Variants in NAALADL2 observed in about 807,000 individuals in gnomAD.
NAALADL2 encodes the protein N-acetylated alpha-linked acidic dipeptidase like 2, also known as inactive N-acetylated-alpha-linked acidic dipeptidase-like protein 2.
A neutral mutation model predicts 87.2 loss-of-function variants in NAALADL2; 76 were observed. The ratio of observed to expected loss-of-function variants is 0.87; its 90% CI spans 0.72 to 1.05. NAALADL2 has a LOEUF of 1.05. Among genes scored for constraint, NAALADL2 ranks in the 50% least tolerant of loss-of-function variants. NAALADL2 has a pLI of 0.00. For synonymous variants in NAALADL2, 354 were observed against 331.0 expected (o/e 1.07, Z -0.75); for missense variants, 1,089 against 945.8 (o/e 1.15, Z -1.99).
intron 9 of NAALADL2, among the ~76,000 whole-genome samples, chr3:175,559,531 A>G (rs1447908026): frequency 6.6e-6 from 1 of 152,184 alleles, no homozygotes; most frequent in Non-Finnish European, 1.5e-5. Context: ...TCTCACAGGA[A>G]AGGCTTTATG....
chr3:174,441,316 G>A (rs1714596111), intron 1 of NAALADL2, among the ~76,000 whole-genome samples: 1 of 152,164 alleles, frequency 6.6e-6, no homozygotes, highest in Non-Finnish European at 1.5e-5. Context: ...GGCCAAAGGA[G>A]CTCCCAACCC....
At chr3:175,400,731 T>C (rs1770453704) in intron 5 of NAALADL2, among the ~76,000 whole-genome samples, 1 of 152,144 alleles carries the variant, frequency 6.6e-6, no homozygotes, top group South Asian at 2.1e-4. Flanking sequence ...ATCAACCTTA[T>C]GGTCTGGGTC....
chr3:174,795,548 A>G (rs1717983622), intron 3 of NAALADL2, among the ~76,000 whole-genome samples: 3 of 152,108 alleles, frequency 2.0e-5, no homozygotes, highest in Admixed American at 1.3e-4. Flanking sequence ...TTTCTTAAGT[A>G]TATATTTAGG....
chr3:174,653,078 T>C (rs1399182694), intron 2 of NAALADL2, among the ~76,000 whole-genome samples: 1 of 152,188 alleles, frequency 6.6e-6, no homozygotes, highest in Non-Finnish European at 1.5e-5. Context: ...GTGGACCAAC[T>C]AGAACTCTCA....
intron 2 of NAALADL2, among the ~76,000 whole-genome samples, chr3:174,717,956 A>G (rs577482773): frequency 1.3e-5 from 2 of 152,024 alleles, no homozygotes; most frequent in East Asian, 1.9e-4. Context: ...TGAAACCCCC[A>G]CCTCTCCTAA....
chr3:175,173,725 G>T (rs1327332578), intron 2 of NAALADL2, among the ~76,000 whole-genome samples: 1 of 152,064 alleles, frequency 6.6e-6, no homozygotes, highest in South Asian at 2.1e-4. Flanking sequence ...TTTATTAATT[G>T]CATTCAAACT....
chr3:175,407,315 C>G (rs1712595376), intron 5 of NAALADL2, among the ~76,000 whole-genome samples: 1 of 152,116 alleles, frequency 6.6e-6, no homozygotes, highest in Non-Finnish European at 1.5e-5. Flanking sequence ...GTGGTTGATG[C>G]CCAGTTGACA....
intron 1 of NAALADL2, among the ~76,000 whole-genome samples, chr3:174,939,974 C>T (rs116840278): frequency 0.011 from 1,728 of 152,174 alleles, 40 homozygotes; most frequent in African/African-American, 0.04. Flanking sequence ...GACTTCTTCT[C>T]TTCCTACTTA....
chr3:175,428,036 G>A (rs187954558), intron 5 of NAALADL2, among the ~76,000 whole-genome samples: 26 of 152,052 alleles, frequency 1.7e-4, no homozygotes, highest in African/African-American at 5.5e-4. Context: ...GAACATAAAT[G>A]GCACTAATCT....
At chr3:175,611,196 T>C (rs903416385) in intron 10 of NAALADL2, among the ~76,000 whole-genome samples, 4 of 152,210 alleles carry the variant, frequency 2.6e-5, no homozygotes, top group Admixed American at 6.5e-5. Flanking sequence ...TTAATGATTG[T>C]ATAGTTAGAT....
intron 1 of NAALADL2, among the ~76,000 whole-genome samples, chr3:174,537,648 G>T (rs1438722582): frequency 1.3e-5 from 2 of 152,122 alleles, no homozygotes; most frequent in Non-Finnish European, 2.9e-5. Context: ...GAAATGATGT[G>T]GGCACCTAAG....
chr3:175,362,911 AT>A (rs1452275214), intron 5 of NAALADL2, among the ~76,000 whole-genome samples: 1 of 146,800 alleles, frequency 6.8e-6, no homozygotes, highest in Non-Finnish European at 1.5e-5. Flanking sequence ...TGTGGTTTTG[AT>A]TTTCATTTCC....
intron 1 of NAALADL2, among the ~76,000 whole-genome samples, chr3:175,094,364 G>A (rs1004201272): frequency 1.3e-5 from 2 of 151,906 alleles, no homozygotes; most frequent in African/African-American, 4.8e-5. Context: ...AAAATAAATT[G>A]GTTTCTAAAG....
chr3:175,261,415 T>C (rs1035174861), intron 4 of NAALADL2, among the ~76,000 whole-genome samples: 1 of 152,152 alleles, frequency 6.6e-6, no homozygotes, highest in African/African-American at 2.4e-5. Context: ...CTCTGAAACA[T>C]GGAGGTTGGG....
chr3:175,633,745 A>C (rs909088850), intron 11 of NAALADL2, among the ~76,000 whole-genome samples: 2 of 151,704 alleles, frequency 1.3e-5, no homozygotes, highest in Non-Finnish European at 1.5e-5. Flanking sequence ...CAGAGAAAAA[A>C]ATTCCTTATT....
intron 5 of NAALADL2, among the ~76,000 whole-genome samples, chr3:175,443,298 G>A (rs1242221064): frequency 6.6e-6 from 1 of 152,074 alleles, no homozygotes; most frequent in Non-Finnish European, 1.5e-5. Flanking sequence ...TTATGGTTTA[G>A]GGTTCACTCA....
At chr3:174,988,400 AC>A (rs1746265565) in intron 1 of NAALADL2, among the ~76,000 whole-genome samples, 2 of 152,204 alleles carry the variant, frequency 1.3e-5, no homozygotes, top group Admixed American at 1.3e-4. Flanking sequence ...CCTAACGGTA[AC>A]CATGTAATAT....
At chr3:174,746,990 A>C (rs1734320648) in intron 3 of NAALADL2, among the ~76,000 whole-genome samples, 1 of 152,200 alleles carries the variant, frequency 6.6e-6, no homozygotes, top group Non-Finnish European at 1.5e-5. Flanking sequence ...AAGAAAATCT[A>C]GGCAATACCA....
At chr3:174,935,690 T>C (rs1049588588) in intron 1 of NAALADL2, among the ~76,000 whole-genome samples, 4 of 152,128 alleles carry the variant, frequency 2.6e-5, no homozygotes, top group African/African-American at 9.7e-5. Flanking sequence ...TCTTTTAAGG[T>C]TCTCTAATGA....
Sources: gnomAD v4.1 joint callset for allele counts (sites outside exome capture counted in the v4.1 genomes callset) on GRCh38, gnomAD v4.1.1 for gene constraint, MANE v1.5 for transcripts, NCBI Gene and HGNC (gene_info 2026-07-23, HGNC 2026-07-21) for gene names.